HSPG2: variants seen among roughly 807,000 people sequenced by gnomAD.
The protein encoded by HSPG2 is heparan sulfate proteoglycan 2, also known as basement membrane-specific heparan sulfate proteoglycan core protein.
HSPG2 carries 278 observed loss-of-function variants against 526.6 expected under a neutral mutation model. The ratio of observed to expected loss-of-function variants is 0.53; its 90% CI spans 0.48 to 0.58. The LOEUF is 0.58. HSPG2 is among the 20% of genes least tolerant of loss of function. The pLI is 0.00. For missense variants in HSPG2, 5,354 were observed against 6,099.5 expected (o/e 0.88, Z 4.07); for synonymous variants, 2,465 against 2,555.4 (o/e 0.96, Z 1.07).
intron 1 of HSPG2, among the ~76,000 whole-genome samples, chr1:21,902,654 C>T (rs1643163522): frequency 6.6e-6 from 1 of 152,182 alleles, no homozygotes; most frequent in African/African-American, 2.4e-5. Flanking sequence ...TGCTTCTGAC[C>T]TCTGACCCCT....
rs139605410 is a variant in HSPG2, at chr1:21,842,934, G to C, written c.8759-13C>G. The C allele has an allele frequency of 6.8e-6, 11 of 1,613,910 alleles. No individual in the cohort carries two copies. Among genetic ancestry groups the C allele is most frequent in the Middle Eastern group, 1.6e-4 (1 of 6,072 alleles). ...GCCAGTCCTGGAGCTGTGGGCACAG[G>C]GGGTGGGTGAGAGAGGCCAGGCTCC... On this transcript the variant is annotated splice_polypyrimidine_tract_variant and intron_variant, in intron 66 of 96. Coordinates refer to ENST00000374695, the MANE Select transcript of HSPG2 (RefSeq NM_005529.7).
rs553872815 is a variant in HSPG2, at chr1:21,864,877, C to A, written c.4592G>T (p.Arg1531Leu). ...CAGACCGATGTAGCCTGGCGGGCAG[C>A]GGCACTCCTCCACCTCGAGGGCGCG... ...RPRALEVEEC[R>L]CPPGYIGLSC... The change falls in exon 36 of 97, where the codon CGC becomes CTC. Residue 1531 changes from arginine to leucine, a missense_variant. Physicochemically the swap from Arg to Leu is moderately radical, Grantham distance 102 (BLOSUM62 -2). Coordinates refer to ENST00000374695, the MANE Select transcript of HSPG2 (RefSeq NM_005529.7). The surrounding 1 kb of genome is among the most constrained non-coding windows in gnomAD (Gnocchi z 4.8). The A allele has an allele frequency of 1.2e-6, 2 of 1,610,524 alleles. No individual in the cohort carries two copies. Among genetic ancestry groups the A allele is most frequent in the Non-Finnish European group, 8.5e-7 (1 of 1,179,356 alleles).
chr1:21,876,477 C>A, intron 22 of HSPG2, 35 bp downstream of exon 22: 1 of 1,613,432 alleles, frequency 6.2e-7, no homozygotes, highest in Non-Finnish European at 8.5e-7. Flanking sequence ...CGGCCCAGGG[C>A]TTGGCGGTCC....
At chr1:21,896,643 G>A (rs1317773649) in intron 1 of HSPG2, among the ~76,000 whole-genome samples, 2 of 152,196 alleles carry the variant, frequency 1.3e-5, no homozygotes, top group Admixed American at 1.3e-4. Context: ...ATGAGTGAGT[G>A]GATGGGGGGA....
chr1:21,870,796 A>C, intron 33 of HSPG2: 1 of 985,396 alleles, frequency 1.0e-6, no homozygotes, highest in Non-Finnish European at 1.2e-6. Flanking sequence ...ACCACGCCCC[A>C]CCACACCAAC....
intron 91 of HSPG2, among the ~76,000 whole-genome samples, chr1:21,826,122 C>T (rs1557667240): frequency 6.6e-6 from 1 of 152,014 alleles, no homozygotes; most frequent in Non-Finnish European, 1.5e-5. Context: ...CAGTCTGTTG[C>T]CCAGGCTAGA....
At chr1:21,835,310 G>A (rs1557684564) in intron 76 of HSPG2, 4 of 604,628 alleles carry the variant, frequency 6.6e-6, no homozygotes, top group African/African-American at 1.8e-5. Context: ...AATCTTCATC[G>A]GTTCATCTGA....
rs777853058 is a variant in HSPG2 at position 21,874,062 on chromosome 1, C to T, written c.3657-51G>A. ...CAGGAACGCAGTGGCTCCTTCCTCT[C>T]CCCCGATCCTCCTTCAGGACCAGGG... On this transcript the variant is annotated intron_variant, in intron 28 of 96. Transcript: ENST00000374695. The T allele has an allele frequency of 2.5e-5, 37 of 1,465,044 alleles. No individual in the cohort carries two copies. In the African/African-American group the frequency reaches 4.2e-4, roughly 17 times the overall value. 90.8% of individuals were successfully genotyped at this position (1,465,044 alleles called of 1,614,324 possible). A position where few individuals can be genotyped will look rare whatever the true frequency, so the allele number is the denominator to read the frequency against.
At chr1:21,853,367 G>A (rs1156627631) in intron 50 of HSPG2, among the ~76,000 whole-genome samples, 2 of 152,184 alleles carry the variant, frequency 1.3e-5, no homozygotes, top group African/African-American at 2.4e-5. Context: ...CCAAGGATGC[G>A]GATGACAGTG....
In HSPG2 at chr1:21,841,989, C is replaced by T; in HGVS notation, c.9193+13G>A. ...GCCCCCAGCTTGCCCACCTGCCCAC[C>T]AGCCTGGCTCACCCTCCAGCTCCTG... is the stretch of plus-strand genomic sequence containing the variant. On this transcript the variant is annotated intron_variant, in intron 69 of 96. Transcript: ENST00000374695. 2 of 1,612,916 alleles carry T rather than the reference C, an allele frequency of 1.2e-6. No homozygotes were observed. The highest frequency in any genetic ancestry group is 1.7e-6 in the Non-Finnish European group (2 of 1,180,024).
At chr1:21,891,564 T>C (rs931777504) in intron 3 of HSPG2, among the ~76,000 whole-genome samples, 3 of 152,222 alleles carry the variant, frequency 2.0e-5, no homozygotes, top group African/African-American at 7.2e-5. Context: ...TTGAAAGTGA[T>C]GGCTGAATAA....
At position 21,850,081 on chromosome 1, in the gene HSPG2, G is replaced by A. The variant is rs752866444; in HGVS notation, c.7406C>T (p.Thr2469Met). 31 of 1,613,360 alleles carry A rather than the reference G, an allele frequency of 1.9e-5. No homozygotes were observed. The highest frequency in any genetic ancestry group is 8.3e-5 in the Admixed American group (5 of 60,014). ...LVAGQAHAQV[T>M]WHKRGGSLPA... Reference sequence around the variant, plus strand: ...GAGGCTGCCCCCGCGCTTGTGCCACGTGACCTGGGCATGGGCCTGACCAGC... The same window carrying A: ...GAGGCTGCCCCCGCGCTTGTGCCACATGACCTGGGCATGGGCCTGACCAGC... Residue 2469 changes from threonine to methionine, a missense_variant, in exon 57 of 97, where the codon ACG (threonine) becomes ATG (methionine). Transcript: ENST00000374695.
intron 21 of HSPG2, among the ~76,000 whole-genome samples, chr1:21,877,363 CAG>C (rs953731802): frequency 2.9e-4 from 44 of 152,280 alleles, no homozygotes; most frequent in African/African-American, 1.0e-3. Flanking sequence ...CATGAGGAAA[CAG>C]AGGCTCAGGG....
chr1:21,937,031 G>A (rs1295570296), intron 1 of HSPG2, 124 bp downstream of exon 1: 3 of 248,524 alleles, frequency 1.2e-5, no homozygotes, highest in Non-Finnish European at 1.9e-5. Context: ...CCGCCGTCCC[G>A]GGCCAGAGTC....
rs767725810 is a variant in HSPG2, at chr1:21,859,553, C to A, written c.5293+13G>T. 22 of 1,561,680 alleles carry A rather than the reference C, an allele frequency of 1.4e-5. No homozygotes were observed. The highest frequency in any genetic ancestry group is 1.9e-5 in the Non-Finnish European group (22 of 1,148,038). On this transcript the variant is annotated intron_variant, in intron 42 of 96. Coordinates refer to ENST00000374695, the MANE Select transcript of HSPG2 (RefSeq NM_005529.7). This position sits in a 1 kb window ranked among gnomAD's most constrained non-coding sequence, Gnocchi z 5.3. ...GACAGGCAGTCTTGGTTACAGGGGG[C>A]GTAGGGACTCACCAGTGACCAGCAG...
chr1:21,922,512 C>G (rs531272033), intron 1 of HSPG2, among the ~76,000 whole-genome samples: 34 of 152,274 alleles, frequency 2.2e-4, no homozygotes, highest in African/African-American at 7.9e-4. Flanking sequence ...GTGGAGGGAG[C>G]AGGAGAGAGT....
At chr1:21,835,339 C>T (rs1253991474) in intron 76 of HSPG2, 2 of 626,638 alleles carry the variant, frequency 3.2e-6, no homozygotes, top group Admixed American at 2.4e-5. Context: ...ACACTCCATC[C>T]ATATCCTTCT....
At chr1:21,919,357 C>T (rs12039740) in intron 1 of HSPG2, among the ~76,000 whole-genome samples, 13,098 of 148,054 alleles carry the variant, frequency 0.088, 720 homozygotes, top group Non-Finnish European at 0.11. Context: ...ACTCAGGAGG[C>T]GGAGGTTGCA....
rs371899662 is a variant in HSPG2 at position 21,838,946 on chromosome 1, C to T, written c.10029G>A (p.Ala3343=). The T allele has an allele frequency of 4.9e-5, 79 of 1,612,454 alleles. No individual in the cohort carries two copies. In the East Asian group the frequency reaches 9.4e-4, roughly 19 times the overall value. Residue 3343 remains alanine, a synonymous_variant, in exon 74 of 97, where the codon GCG becomes GCA. Transcript: ENST00000374695. Reference sequence around the variant, plus strand: ...AGTGCAGCAGCTCGTTCCTGGCGGTCGCCCTCCCAGGAAGGCTGCTGCCCA... The same window carrying T: ...AGTGCAGCAGCTCGTTCCTGGCGGTTGCCCTCCCAGGAAGGCTGCTGCCCA... The part of the protein sequence containing the change: ...SRVGSSLPGR[A]TARNELLHFE...
Sources: allele counts gnomAD v4.1 joint callset (sites outside exome capture counted in the v4.1 genomes callset), GRCh38; gene constraint gnomAD v4.1.1; non-coding constraint Gnocchi (gnomAD v3.1); transcripts MANE v1.5; gene names NCBI Gene and HGNC (gene_info 2026-07-23, HGNC 2026-07-21).